The following SLC35D4 variants were observed in gnomAD, a reference collection of about 807,000 sequenced individuals.
The protein encoded by SLC35D4 is UDP-N-acetylglucosamine transporter SLC35D4.
the SLC35D4 span, among the ~76,000 whole-genome samples, chr18:23,290,533 A>G: frequency 1.3e-5 from 2 of 152,210 alleles, no homozygotes; most frequent in East Asian, 3.8e-4. Flanking sequence ...ATTTTGGAAG[A>G]GAAATTCCTC....
the SLC35D4 span, among the ~76,000 whole-genome samples, chr18:23,423,242 T>C: frequency 6.6e-6 from 1 of 152,244 alleles, no homozygotes; most frequent in African/African-American, 2.4e-5. Context: ...TTGTCTGTAG[T>C]GAACACCTGC....
chr18:23,365,620 C>G, the SLC35D4 span: 1 of 1,613,392 alleles, frequency 6.2e-7, no homozygotes, highest in Non-Finnish European at 8.5e-7. Context: ...AAACAACACT[C>G]CGGGGGCATT....
chr18:23,420,638 A>T, the SLC35D4 span, among the ~76,000 whole-genome samples: 1 of 152,072 alleles, frequency 6.6e-6, no homozygotes, highest in Non-Finnish European at 1.5e-5. Context: ...GGTTTCCCAA[A>T]GTGCTGGGAT....
At chr18:23,303,506 C>T in the SLC35D4 span, among the ~76,000 whole-genome samples, 1 of 152,268 alleles carries the variant, frequency 6.6e-6, no homozygotes, top group Non-Finnish European at 1.5e-5. Flanking sequence ...TTACTCTTAG[C>T]TCTCACGTTC....
the SLC35D4 span, among the ~76,000 whole-genome samples, chr18:23,378,161 G>C: frequency 2.0e-5 from 3 of 151,626 alleles, no homozygotes; most frequent in Non-Finnish European, 4.4e-5. Context: ...TAGGACTACA[G>C]GCATGAGCCA....
chr18:23,278,449 A>G, the SLC35D4 span, among the ~76,000 whole-genome samples: 2 of 152,210 alleles, frequency 1.3e-5, no homozygotes, highest in Non-Finnish European at 2.9e-5. Context: ...TCACACCAGG[A>G]GCAGAATAGC....
At chr18:23,332,150 C>G in the SLC35D4 span, among the ~76,000 whole-genome samples, 5 of 151,938 alleles carry the variant, frequency 3.3e-5, no homozygotes, top group African/African-American at 1.2e-4. Context: ...TCACCCTGGT[C>G]TTCCAAAGCC....
At chr18:23,275,023 G>GTGAGTGTGCGTATGCGCTTGTC in the SLC35D4 span, among the ~76,000 whole-genome samples, 1 of 149,754 alleles carries the variant, frequency 6.7e-6, no homozygotes, top group Admixed American at 7.0e-5. Context: ...GTGTGCTTGT[G>GTGAGTGTGCGTATGCGCTTGTC]TGTCTGCTTG....
chr18:23,334,722 C>T, the SLC35D4 span, among the ~76,000 whole-genome samples: 15 of 152,108 alleles, frequency 9.9e-5, no homozygotes, highest in East Asian at 3.9e-4. Flanking sequence ...AGGGGCCGGC[C>T]GGGCACGGTG....
the SLC35D4 span, among the ~76,000 whole-genome samples, chr18:23,322,294 G>T: frequency 1.3e-5 from 2 of 152,216 alleles, no homozygotes; most frequent in Non-Finnish European, 2.9e-5. Flanking sequence ...TCTGCTTCCA[G>T]CCAGGGTTGA....
chr18:23,300,187 G>A, the SLC35D4 span, among the ~76,000 whole-genome samples: 1 of 152,130 alleles, frequency 6.6e-6, no homozygotes, highest in African/African-American at 2.4e-5. Context: ...ACTGTGAAAG[G>A]GAGGCGTTCT....
the SLC35D4 span, among the ~76,000 whole-genome samples, chr18:23,404,008 C>G: frequency 2.0e-5 from 3 of 151,854 alleles, no homozygotes; most frequent in Non-Finnish European, 4.4e-5. Flanking sequence ...GTCCCAGCTG[C>G]TCGGGAGGCT....
At chr18:23,297,241 G>A in the SLC35D4 span, 3 of 152,196 alleles carry the variant, frequency 2.0e-5, no homozygotes, top group African/African-American at 7.2e-5. Flanking sequence ...AATGAGAAAG[G>A]CCGGGTGCAG....
chr18:23,364,765 A>G, the SLC35D4 span, among the ~76,000 whole-genome samples: 1 of 151,900 alleles, frequency 6.6e-6, no homozygotes, highest in Non-Finnish European at 1.5e-5. Flanking sequence ...TTAGCCAGGC[A>G]TGGTCTCATA....
At chr18:23,275,142 G>A in the SLC35D4 span, among the ~76,000 whole-genome samples, 3 of 151,960 alleles carry the variant, frequency 2.0e-5, no homozygotes, top group Non-Finnish European at 4.4e-5. Context: ...GTGAGTGCTT[G>A]TGCGTGTGTG....
the SLC35D4 span, chr18:23,258,335 G>A: frequency 6.6e-6 from 1 of 152,572 alleles, no homozygotes; most frequent in Admixed American, 6.5e-5. Context: ...ATATAAAAGT[G>A]TTTTATAAAA....
the SLC35D4 span, among the ~76,000 whole-genome samples, chr18:23,268,793 TGTGTGTGTGC>T: frequency 7.0e-6 from 1 of 142,550 alleles, no homozygotes; most frequent in African/African-American, 2.8e-5. Flanking sequence ...CTGCTGTGCG[TGTGTGTGTGC>T]GTGTGTGTGT....
At chr18:23,423,361 A>C in the SLC35D4 span, among the ~76,000 whole-genome samples, 1 of 152,230 alleles carries the variant, frequency 6.6e-6, no homozygotes, top group Non-Finnish European at 1.5e-5. Flanking sequence ...GGTCCAGTAC[A>C]GTGATTCTCA....
At chr18:23,394,018 G>T in the SLC35D4 span, among the ~76,000 whole-genome samples, 1 of 152,186 alleles carries the variant, frequency 6.6e-6, no homozygotes, top group Non-Finnish European at 1.5e-5. Context: ...AAATGAATAT[G>T]GATGCACAAG....
Sources: allele counts gnomAD v4.1 joint callset (sites outside exome capture counted in the v4.1 genomes callset), GRCh38; gene constraint gnomAD v4.1.1; transcripts MANE v1.5; gene names NCBI Gene and HGNC (gene_info 2026-07-23, HGNC 2026-07-21).